Variants in DSCAM observed in about 807,000 individuals in gnomAD.
DSCAM encodes cell adhesion molecule DSCAM.
DSCAM carries 47 observed loss-of-function variants against 217.7 expected under a neutral mutation model. The observed-to-expected ratio is 0.22, with a 90% CI of 0.17 to 0.28. The LOEUF is 0.28. Ranked by LOEUF, DSCAM falls within the 10% of genes least tolerant of loss-of-function variation. The pLI, the probability that DSCAM is intolerant of heterozygous loss-of-function variation, is 1.00. For missense variants in DSCAM, 2,080 were observed against 2,618.3 expected, an observed-to-expected ratio of 0.79 and a Z score of 4.49; for synonymous variants, 1,056 against 1,015.3, an observed-to-expected ratio of 1.04 and a Z score of -0.76.
chr21:40,310,064 A>G (rs2074120872), intron 9 of DSCAM, among the ~76,000 whole-genome samples: 1 of 152,182 alleles, frequency 6.6e-6, no homozygotes, highest in African/African-American at 2.4e-5. Context: ...GATTTTACAA[A>G]TTATTGATGC....
chr21:40,600,826 T>A (rs953888771), intron 3 of DSCAM, among the ~76,000 whole-genome samples: 2 of 152,184 alleles, frequency 1.3e-5, no homozygotes, highest in African/African-American at 4.8e-5. Context: ...ATTGTCTTTG[T>A]TCCTTTGTCA....
intron 20 of DSCAM, among the ~76,000 whole-genome samples, chr21:40,111,464 C>A (rs988210497): frequency 6.6e-6 from 1 of 151,994 alleles, no homozygotes; most frequent in African/African-American, 2.4e-5. Flanking sequence ...CAAAAACATG[C>A]CAAATTGTAA....
At chr21:40,682,030 G>A (rs1416324863) in intron 3 of DSCAM, among the ~76,000 whole-genome samples, 1 of 152,108 alleles carries the variant, frequency 6.6e-6, no homozygotes, top group Non-Finnish European at 1.5e-5. Context: ...GAACTGTGAG[G>A]AAATAAATTT....
intron 1 of DSCAM, among the ~76,000 whole-genome samples, chr21:40,730,209 G>C: frequency 6.6e-6 from 1 of 152,162 alleles, no homozygotes; most frequent in East Asian, 1.9e-4. Flanking sequence ...TTCCACATTG[G>C]AAATTTGACT....
intron 29 of DSCAM, among the ~76,000 whole-genome samples, chr21:40,052,856 G>A (rs114156926): frequency 1.9e-4 from 29 of 152,286 alleles, no homozygotes; most frequent in African/African-American, 6.3e-4. Context: ...CTTAGTGCTT[G>A]GAGCAGGAGC....
At chr21:40,172,487 C>T (rs75958129) in intron 15 of DSCAM, among the ~76,000 whole-genome samples, 1 of 152,204 alleles carries the variant, frequency 6.6e-6, no homozygotes, top group African/African-American at 2.4e-5. Flanking sequence ...CTTCCCTGTC[C>T]TGATCCTTCC....
intron 11 of DSCAM, among the ~76,000 whole-genome samples, chr21:40,198,854 T>C (rs2146851545): frequency 6.6e-6 from 1 of 152,238 alleles, no homozygotes; most frequent in East Asian, 1.9e-4. Context: ...AAAGACAAAA[T>C]TGTTAAGAAT....
chr21:40,339,739 CAA>C (rs1178308902), intron 6 of DSCAM, among the ~76,000 whole-genome samples: 2 of 38,218 alleles, frequency 5.2e-5, no homozygotes, highest in Non-Finnish European at 1.6e-4. Flanking sequence ...TTTCCTCACA[CAA>C]AGTTATAAAC....
intron 27 of DSCAM, among the ~76,000 whole-genome samples, chr21:40,069,840 CA>C (rs1434825357): frequency 2.0e-5 from 3 of 152,160 alleles, no homozygotes; most frequent in Admixed American, 2.0e-4. Flanking sequence ...CCAATCATCA[CA>C]ATGCTCAGAT....
intron 3 of DSCAM, among the ~76,000 whole-genome samples, chr21:40,518,716 C>T (rs2076335756): frequency 1.4e-5 from 2 of 144,522 alleles, no homozygotes; most frequent in Non-Finnish European, 3.0e-5. Flanking sequence ...ACACACACCA[C>T]CTAAAACCTT....
chr21:40,329,381 C>T (rs529908086), intron 8 of DSCAM, among the ~76,000 whole-genome samples: 18 of 151,924 alleles, frequency 1.2e-4, no homozygotes, highest in Non-Finnish European at 2.2e-4. Context: ...TTTGGGAGGC[C>T]GAGGCAGGCA....
At chr21:40,119,204 G>A (rs890915635) in intron 20 of DSCAM, among the ~76,000 whole-genome samples, 2 of 152,214 alleles carry the variant, frequency 1.3e-5, no homozygotes, top group Non-Finnish European at 2.9e-5. Context: ...CTTGATTGAT[G>A]TGATTCAGAA....
intron 18 of DSCAM, among the ~76,000 whole-genome samples, chr21:40,139,915 G>A (rs762382436): frequency 6.6e-6 from 1 of 150,632 alleles, no homozygotes; most frequent in Non-Finnish European, 1.5e-5. Flanking sequence ...TGTGTGTGGT[G>A]AGTGTGGGAT....
intron 3 of DSCAM, among the ~76,000 whole-genome samples, chr21:40,489,255 G>A (rs1052499863): frequency 5.9e-5 from 9 of 152,246 alleles, no homozygotes; most frequent in African/African-American, 1.9e-4. Context: ...ATCAGTTAAA[G>A]GCCTAAATGG....
intron 8 of DSCAM, among the ~76,000 whole-genome samples, chr21:40,325,246 C>A (rs1427769703): frequency 6.6e-6 from 1 of 152,072 alleles, no homozygotes; most frequent in Non-Finnish European, 1.5e-5. Flanking sequence ...CCTCTGACAG[C>A]ACCATCATGG....
chr21:40,048,022 G>A (rs1394330624), intron 30 of DSCAM, among the ~76,000 whole-genome samples: 4 of 152,178 alleles, frequency 2.6e-5, no homozygotes, highest in Admixed American at 6.5e-5. Context: ...ATGACTGAGA[G>A]TGAGAGCTTT....
intron 3 of DSCAM, among the ~76,000 whole-genome samples, chr21:40,602,066 T>C (rs1324469124): frequency 6.9e-6 from 1 of 144,866 alleles, no homozygotes; most frequent in Non-Finnish European, 1.5e-5. Flanking sequence ...TTTTTTTTTT[T>C]TTTTTTTTTT....
intron 3 of DSCAM, among the ~76,000 whole-genome samples, chr21:40,569,411 G>T (rs7276773): frequency 6.6e-6 from 1 of 152,088 alleles, no homozygotes; most frequent in African/African-American, 2.4e-5. Context: ...GTCTTTGATC[G>T]TTTACGTGGC....
intron 1 of DSCAM, among the ~76,000 whole-genome samples, chr21:40,810,454 G>A (rs1223425043): frequency 2.6e-5 from 4 of 152,198 alleles, no homozygotes; most frequent in Middle Eastern, 3.2e-3. Flanking sequence ...TGGGTAGTCT[G>A]GTAAACCAGG....
Sources: allele counts gnomAD v4.1 joint callset (sites outside exome capture counted in the v4.1 genomes callset), GRCh38; gene constraint gnomAD v4.1.1; transcripts MANE v1.5; gene names NCBI Gene and HGNC (gene_info 2026-07-23, HGNC 2026-07-21).